CDK14: variants seen among roughly 807,000 people sequenced by gnomAD.
The protein encoded by CDK14 is cyclin-dependent kinase 14.
A neutral mutation model predicts 60.7 loss-of-function variants in CDK14; 34 were observed. The ratio of observed to expected loss-of-function variants is 0.56; its 90% CI spans 0.43 to 0.75. The LOEUF is 0.75. Among genes scored for constraint, CDK14 ranks in the 30% least tolerant of loss-of-function variants. The pLI is 0.00. For synonymous variants in CDK14, 197 were observed against 203.7 expected, an observed-to-expected ratio of 0.97 and a Z score of 0.28; for missense variants, 482 against 564.1, an observed-to-expected ratio of 0.85 and a Z score of 1.47.
intron 4 of CDK14, among the ~76,000 whole-genome samples, chr7:90,783,555 A>G (rs1330750593): frequency 6.6e-6 from 1 of 152,202 alleles, no homozygotes; most frequent in Non-Finnish European, 1.5e-5. Context: ...AAGGAACTCA[A>G]ACAAATAGCA....
intron 2 of CDK14, among the ~76,000 whole-genome samples, chr7:90,612,771 CAAA>C (rs531162992): frequency 0.22 from 19,960 of 91,742 alleles, 1,246 homozygotes; most frequent in Middle Eastern, 0.34. Context: ...GACTCTGTCT[CAAA>C]AAAAAAAAAA....
At chr7:91,187,767 A>G (rs1056983507) in intron 14 of CDK14, among the ~76,000 whole-genome samples, 2 of 152,234 alleles carry the variant, frequency 1.3e-5, no homozygotes, top group African/African-American at 4.8e-5. Flanking sequence ...TGACTGATAT[A>G]TGTAGGGTCC....
chr7:90,704,641 T>TA (rs758762882), intron 2 of CDK14, among the ~76,000 whole-genome samples: 1 of 152,152 alleles, frequency 6.6e-6, no homozygotes, highest in Non-Finnish European at 1.5e-5. Flanking sequence ...TTGATAAAGT[T>TA]AGTTCTTTTT....
At chr7:90,963,287 T>C (rs965325700) in intron 9 of CDK14, among the ~76,000 whole-genome samples, 2 of 151,764 alleles carry the variant, frequency 1.3e-5, no homozygotes, top group African/African-American at 4.8e-5. Context: ...GTTACCATGG[T>C]AGAGTGTGCC....
intron 11 of CDK14, among the ~76,000 whole-genome samples, chr7:91,050,448 T>A (rs1797358795): frequency 6.6e-6 from 1 of 152,186 alleles, no homozygotes; most frequent in African/African-American, 2.4e-5. Context: ...GAAACATTTT[T>A]AAAATAATTA....
At chr7:91,156,388 G>A (rs1800983257) in intron 14 of CDK14, among the ~76,000 whole-genome samples, 1 of 152,094 alleles carries the variant, frequency 6.6e-6, no homozygotes, top group African/African-American at 2.4e-5. Context: ...GCCCAGCACA[G>A]CAATGAGCCC....
chr7:90,728,818 G>A (rs1802737922), intron 3 of CDK14, among the ~76,000 whole-genome samples: 1 of 151,944 alleles, frequency 6.6e-6, no homozygotes, highest in Non-Finnish European at 1.5e-5. Context: ...TCAGTTGGTT[G>A]GCTTCAGCAT....
intron 2 of CDK14, among the ~76,000 whole-genome samples, chr7:90,683,897 C>CAT (rs1554433833): frequency 2.1e-5 from 3 of 145,764 alleles, no homozygotes; most frequent in East Asian, 4.1e-4. Context: ...AGAAAATGTA[C>CAT]GTGTGTGTGT....
chr7:90,603,899 G>A (rs1029832810), intron 1 of CDK14, among the ~76,000 whole-genome samples: 4 of 152,136 alleles, frequency 2.6e-5, no homozygotes, highest in Admixed American at 6.5e-5. Flanking sequence ...AGATTACTTC[G>A]TGATTCTTTT....
intron 5 of CDK14, among the ~76,000 whole-genome samples, chr7:90,814,638 C>G (rs992564749): frequency 1.9e-4 from 29 of 152,008 alleles, no homozygotes; most frequent in Non-Finnish European, 1.2e-4. Flanking sequence ...AAAAATTAGC[C>G]AGGCGTGGTG....
At chr7:90,859,086 T>C (rs191863386) in intron 5 of CDK14, among the ~76,000 whole-genome samples, 56 of 152,320 alleles carry the variant, frequency 3.7e-4, no homozygotes, top group Non-Finnish European at 5.9e-4. Flanking sequence ...CTGGCAGATA[T>C]GTGTAGGGCA....
intron 2 of CDK14, among the ~76,000 whole-genome samples, chr7:90,611,748 A>G (rs556957959): frequency 1.3e-5 from 2 of 151,682 alleles, no homozygotes; most frequent in Non-Finnish European, 2.9e-5. Flanking sequence ...GTTTAACTCC[A>G]TACTCCTAGC....
intron 5 of CDK14, among the ~76,000 whole-genome samples, chr7:90,804,683 A>C (rs1049890528): frequency 2.6e-5 from 4 of 152,134 alleles, no homozygotes; most frequent in South Asian, 2.1e-4. Flanking sequence ...TTTCTTTTTT[A>C]TATTAATAAT....
At chr7:91,103,774 CT>C (rs1457842068) in intron 12 of CDK14, among the ~76,000 whole-genome samples, 1 of 151,992 alleles carries the variant, frequency 6.6e-6, no homozygotes, top group Admixed American at 6.6e-5. Context: ...CTGTTTTTCA[CT>C]ATTCATGTTA....
At chr7:90,934,983 G>T (rs1195070787) in intron 8 of CDK14, among the ~76,000 whole-genome samples, 2 of 152,184 alleles carry the variant, frequency 1.3e-5, no homozygotes, top group Admixed American at 1.3e-4. Context: ...TACAGACTAG[G>T]TAATTTATAA....
chr7:90,742,525 T>TA (rs1419066220), intron 3 of CDK14, among the ~76,000 whole-genome samples: 2 of 152,022 alleles, frequency 1.3e-5, no homozygotes, highest in African/African-American at 4.8e-5. Context: ...CATTTGGTTT[T>TA]ATTAATCATG....
intron 2 of CDK14, among the ~76,000 whole-genome samples, chr7:90,648,189 C>T (rs1240871427): frequency 2.0e-5 from 3 of 152,056 alleles, no homozygotes; most frequent in Non-Finnish European, 4.4e-5. Flanking sequence ...GCGGTTGGAG[C>T]TGCATTCATT....
intron 2 of CDK14, among the ~76,000 whole-genome samples, chr7:90,659,204 A>G (rs1470557730): frequency 1.3e-5 from 2 of 152,230 alleles, no homozygotes; most frequent in Non-Finnish European, 2.9e-5. Context: ...AGTGTAATCT[A>G]GACAATGGGA....
chr7:90,907,248 C>G (rs995878759), intron 7 of CDK14, among the ~76,000 whole-genome samples: 1 of 151,924 alleles, frequency 6.6e-6, no homozygotes, highest in Admixed American at 6.6e-5. Flanking sequence ...AGACCATTCA[C>G]TGTGAATTAT....
Sources: allele counts gnomAD v4.1 joint callset (sites outside exome capture counted in the v4.1 genomes callset), GRCh38; gene constraint gnomAD v4.1.1; transcripts MANE v1.5; gene names NCBI Gene and HGNC (gene_info 2026-07-23, HGNC 2026-07-21).